Variants in MRAP2 observed in about 807,000 individuals in gnomAD.
The protein encoded by MRAP2 is melanocortin-2 receptor accessory protein 2.
A neutral mutation model predicts 17.4 loss-of-function variants in MRAP2; 20 were observed. The ratio of observed to expected loss-of-function variants is 1.15; its 90% confidence interval spans 0.81 to 1.67. The LOEUF is 1.67. MRAP2 is among the 40% of genes most tolerant of loss of function. MRAP2 has a pLI of 0.00. For synonymous variants in MRAP2, 96 were observed against 88.4 expected (o/e 1.09, Z -0.48); for missense variants, 238 against 240.0 (o/e 0.99, Z 0.05).
In MRAP2 at chr6:84,043,385, CA is replaced by C. The variant is rs111229250; in HGVS notation, c.-8+9504del. Among the ~76,000 whole-genome samples, 976 of 152,200 alleles carry C rather than the reference CA, an allele frequency of 6.4e-3. 16 individuals carry two copies. The highest frequency in any genetic ancestry group is 0.022 in the African/African-American group (913 of 41,496). ...GGATTTAAGAGAAGAGAGAGATCCTCAATGTAGTGAAATAGTTGGAGAGATC... is the reference window on the plus strand; with the variant it reads ...GGATTTAAGAGAAGAGAGAGATCCTCATGTAGTGAAATAGTTGGAGAGATC... On this transcript the variant is annotated intron_variant, in intron 1 of 3. Coordinates refer to ENST00000257776, the MANE Select transcript of MRAP2 (RefSeq NM_138409.4).
At chr6:84,144,756 C>G in the MRAP2 span, among the ~76,000 whole-genome samples, 4 of 152,078 alleles carry the variant, frequency 2.6e-5, no homozygotes, top group African/African-American at 9.7e-5. Context: ...TTTTTAGGGA[C>G]TGTCTGTTTA....
intron 1 of MRAP2, among the ~76,000 whole-genome samples, chr6:84,053,103 C>T (rs2497108): frequency 0.3 from 44,920 of 152,022 alleles, 8,179 homozygotes; most frequent in African/African-American, 0.51. Context: ...GGGTCCCCAC[C>T]GTGTGCTGAC....
At chr6:84,133,036 T>C in the MRAP2 span, among the ~76,000 whole-genome samples, 1 of 152,216 alleles carries the variant, frequency 6.6e-6, no homozygotes, top group African/African-American at 2.4e-5. Flanking sequence ...ATATGTGGTT[T>C]TGGTGTGTAT....
At chr6:84,081,584 C>T (rs1030889128) in intron 3 of MRAP2, among the ~76,000 whole-genome samples, 6 of 152,108 alleles carry the variant, frequency 3.9e-5, no homozygotes, top group Non-Finnish European at 5.9e-5. Flanking sequence ...TTTGGGAGGC[C>T]GAAGCAGATG....
intron 3 of MRAP2, among the ~76,000 whole-genome samples, chr6:84,065,154 G>A (rs919405319): frequency 2.0e-5 from 3 of 152,026 alleles, no homozygotes; most frequent in African/African-American, 7.2e-5. Context: ...GCATGGTGGT[G>A]CACACCTGTA....
chr6:84,125,336 T>G, the MRAP2 span: 3 of 1,467,130 alleles, frequency 2.0e-6, no homozygotes, highest in Non-Finnish European at 2.8e-6. Context: ...GAGGAACATT[T>G]AACAATCTTA....
At chr6:84,125,177 A>C in the MRAP2 span, 3 of 1,613,516 alleles carry the variant, frequency 1.9e-6, no homozygotes, top group Non-Finnish European at 1.7e-6. Flanking sequence ...TCTGTGCGGA[A>C]CTTCTCCAGC....
chr6:84,124,358 T>TAG, the MRAP2 span: 3 of 152,012 alleles, frequency 2.0e-5, no homozygotes, highest in Admixed American at 6.6e-5. Context: ...GAGATATATA[T>TAG]AGAGAGAGAT....
chr6:84,110,111 A>G, the MRAP2 span, among the ~76,000 whole-genome samples: 1 of 152,218 alleles, frequency 6.6e-6, no homozygotes, highest in Admixed American at 6.5e-5. Context: ...CTTTGGGTAT[A>G]TACCCAGTAA....
At chr6:84,112,503 T>C in the MRAP2 span, among the ~76,000 whole-genome samples, 1 of 152,232 alleles carries the variant, frequency 6.6e-6, no homozygotes, top group African/African-American at 2.4e-5. Context: ...TCTTCTTCTT[T>C]ATTAGTCTGG....
chr6:84,070,768 T>C (rs2099496011), intron 3 of MRAP2, among the ~76,000 whole-genome samples: 1 of 152,200 alleles, frequency 6.6e-6, no homozygotes, highest in Non-Finnish European at 1.5e-5. Context: ...CATATATGTT[T>C]AGGATTGTGA....
At chr6:84,048,217 C>T (rs544972176) in intron 1 of MRAP2, among the ~76,000 whole-genome samples, 41 of 152,148 alleles carry the variant, frequency 2.7e-4, no homozygotes, top group Admixed American at 2.7e-3. Context: ...AGCGGCTGTA[C>T]CTTTTTACCT....
chr6:84,087,776 T>C (rs998308854), intron 3 of MRAP2, among the ~76,000 whole-genome samples: 1 of 152,224 alleles, frequency 6.6e-6, no homozygotes, highest in South Asian at 2.1e-4. Flanking sequence ...TGAAAATTGT[T>C]AACCTGGCTT....
At chr6:84,125,469 TGTCCCC>T in the MRAP2 span, among the ~76,000 whole-genome samples, 1 of 152,264 alleles carries the variant, frequency 6.6e-6, no homozygotes, top group East Asian at 1.9e-4. Flanking sequence ...TAAATGTTTG[TGTCCCC>T]CTCAAATTCA....
rs200550872 is a variant in MRAP2 at position 84,064,051 on chromosome 6, AG to A, written c.227+1060del. On this transcript the variant is annotated intron_variant, in intron 3 of 3. Transcript: ENST00000257776. Reference sequence around the variant, plus strand: ...CAGAGCCAGACTCTGTCTAAAAAAAAGAAAAAGAAAAAAAGTTTTTGATAAA... The same window carrying A: ...CAGAGCCAGACTCTGTCTAAAAAAAAAAAAAGAAAAAAAGTTTTTGATAAA... Among the ~76,000 whole-genome samples, 139 of 150,422 alleles carry A rather than the reference AG, an allele frequency of 9.2e-4. 2 individuals carry two copies. In the East Asian group the frequency reaches 0.011, roughly 12 times the overall value.
At chr6:84,083,258 A>T (rs2099499472) in intron 3 of MRAP2, among the ~76,000 whole-genome samples, 1 of 152,234 alleles carries the variant, frequency 6.6e-6, no homozygotes, top group Non-Finnish European at 1.5e-5. Context: ...CCCAACAGCC[A>T]CCATGCCTGG....
At chr6:84,063,134 G>A (rs978197905) in intron 3 of MRAP2, 142 bp downstream of exon 3, 62 of 1,463,462 alleles carry the variant, frequency 4.2e-5, no homozygotes, top group Non-Finnish European at 5.0e-5. Flanking sequence ...CCAGATGCCC[G>A]TGGATGGGAT....
chr6:84,108,066 T>C, the MRAP2 span, among the ~76,000 whole-genome samples: 1 of 152,216 alleles, frequency 6.6e-6, no homozygotes, highest in East Asian at 1.9e-4. Flanking sequence ...TTAGTCTTAA[T>C]TATTATGCCC....
downstream of MRAP2, among the ~76,000 whole-genome samples, chr6:84,092,252 C>A (rs1311085124): frequency 6.6e-6 from 1 of 152,184 alleles, no homozygotes; most frequent in East Asian, 1.9e-4. Flanking sequence ...CCTTTTGCCA[C>A]ATAAGGCTAC....
Sources: gnomAD v4.1 joint callset for allele counts (sites outside exome capture counted in the v4.1 genomes callset) on GRCh38, gnomAD v4.1.1 for gene constraint, MANE v1.5 for transcripts, NCBI Gene and HGNC (gene_info 2026-07-23, HGNC 2026-07-21) for gene names.